The following SPEM2 variants were observed in gnomAD, a reference collection of about 807,000 sequenced individuals.
SPEM2 encodes the protein uncharacterized protein SPEM2.
A neutral mutation model predicts 9.3 loss-of-function variants in SPEM2; 15 were observed. That is an observed-to-expected ratio of 1.62 (90% CI 1.08 to 2.50). The LOEUF (loss-of-function observed/expected upper bound fraction) is 2.50, where lower values mean the gene tolerates loss of function less well. Ranked by LOEUF, SPEM2 falls within the 30% of genes most tolerant of loss-of-function variation. SPEM2 has a pLI of 0.00. For synonymous variants in SPEM2, 268 were observed against 272.4 expected, an observed-to-expected ratio of 0.98 and a Z score of 0.16; for missense variants, 678 against 690.0, an observed-to-expected ratio of 0.98 and a Z score of 0.19.
rs762720392 is a variant in SPEM2 at position 7,426,775 on chromosome 17, G to A, written c.784G>A (p.Gly262Ser). 4.2e-5 allele frequency: 67 copies of A among 1,602,832 alleles called. No homozygotes were observed. The highest frequency in any genetic ancestry group is 5.2e-5 in the Non-Finnish European group (61 of 1,173,588). The change falls in exon 3 of 3, where the codon GGT becomes AGT. Residue 262 changes from glycine to serine, a missense_variant. By Grantham distance (56) the Gly-to-Ser change is moderately conservative. Coordinates refer to ENST00000333870, the MANE Select transcript of SPEM2 (RefSeq NM_175734.5). This position sits in a 1 kb window ranked among gnomAD's most constrained non-coding sequence, Gnocchi z 5.3. ...GAGGCTGCAGTCCTATGGGCGCCAC[G>A]GTTCCCAATCCCGACTGTGGGGCAA... The part of the protein sequence containing the change: ...ELRLQSYGRH[G>S]SQSRLWGNVE...
chr17:7,426,239 A>G lies in SPEM2; in HGVS notation c.248A>G (p.Gln83Arg), dbSNP rs760388271. 1.1e-5 allele frequency: 17 copies of G among 1,614,012 alleles called. No homozygotes were observed. Among genetic ancestry groups the G allele is most frequent in the African/African-American group, 1.3e-5 (1 of 74,912 alleles). Residue 83 changes from glutamine to arginine, a missense_variant, in exon 3 of 3, where the codon CAG becomes CGG. Physicochemically the swap from Gln to Arg is conservative, Grantham distance 43. Transcript: ENST00000333870. The surrounding 1 kb of genome is among the most constrained non-coding windows in gnomAD (Gnocchi z 5.3). ...CCAAGTGGTCCCCCAGACAAGGCTCAGGATGTCCACATCCACTGCATCCTG... is the reference window on the plus strand; with the variant it reads ...CCAAGTGGTCCCCCAGACAAGGCTCGGGATGTCCACATCCACTGCATCCTG... ...SPPSGPPDKA[Q>R]DVHIHCILDP...
Position 7,427,506 on chromosome 17 carries a change from C to A in SPEM2, c.*9C>A, listed in dbSNP as rs768046304. 1 of 1,558,214 alleles carries A rather than the reference C, an allele frequency of 6.4e-7. No homozygotes were observed. The highest frequency in any genetic ancestry group is 8.7e-7 in the Non-Finnish European group (1 of 1,150,772). On this transcript the variant is annotated 3_prime_UTR_variant, in exon 3 of 3. Coordinates refer to ENST00000333870, the MANE Select transcript of SPEM2 (RefSeq NM_175734.5). The surrounding 1 kb of genome is among the most constrained non-coding windows in gnomAD (Gnocchi z 5.4). ...CCGAGAAACTCAACTGACCAGCAGGCGGATGTGGGGTGTGGGGCAGGGCAT... is the reference window on the plus strand; with the variant it reads ...CCGAGAAACTCAACTGACCAGCAGGAGGATGTGGGGTGTGGGGCAGGGCAT...
intron 1 of SPEM2, 63 bp from the exon 2 acceptor site, chr17:7,425,930 G>A: frequency 1.2e-6 from 2 of 1,612,490 alleles, no homozygotes; most frequent in African/African-American, 1.3e-5. Flanking sequence ...ATTGGGGCGG[G>A]GGCAGGGGTG....
chr17:7,426,177 G>T lies in SPEM2; in HGVS notation c.197-11G>T. 6.2e-7 allele frequency: 1 copy of T among 1,612,856 alleles called. No homozygotes were observed. The highest frequency in any genetic ancestry group is 8.5e-7 in the Non-Finnish European group (1 of 1,179,178). On this transcript the variant is annotated splice_polypyrimidine_tract_variant and intron_variant, in intron 2 of 2. Coordinates refer to ENST00000333870, the MANE Select transcript of SPEM2 (RefSeq NM_175734.5). This position sits in a 1 kb window ranked among gnomAD's most constrained non-coding sequence, Gnocchi z 5.3. ...AATTGCCCTGACTTCATGGACTCTT[G>T]CCTTCCCCAGATGAAATTCAGGCCA...
chr17:7,426,846 G>A lies in SPEM2; in HGVS notation c.855G>A (p.Arg285=). 1 of 1,610,602 alleles carries A rather than the reference G, an allele frequency of 6.2e-7. No homozygotes were observed. The highest frequency in any genetic ancestry group is 8.5e-7 in the Non-Finnish European group (1 of 1,178,406). The change falls in exon 3 of 3, where the codon CGG becomes CGA. Residue 285 remains arginine (R), a synonymous_variant. Transcript: ENST00000333870. This position sits in a 1 kb window ranked among gnomAD's most constrained non-coding sequence, Gnocchi z 5.3. ...CCTCGTCTCCACCACCTCCCCACCG[G>A]CTGCCCCCTAACCCCTCTTGGGTCC... The part of the protein sequence containing the change: ...QWASSPPPPH[R]LPPNPSWVPV...
rs1326975655 is a variant in SPEM2, at chr17:7,425,655, G to T, written c.-34G>T. ...TGGGGCCGGGGGTGGGGGGCAGAGG[G>T]GGGTGGCCCAGGTGGCCCTAGGACC... On this transcript the variant is annotated 5_prime_UTR_variant, in exon 1 of 3. Transcript: ENST00000333870. 2.5e-6 allele frequency: 4 copies of T among 1,605,726 alleles called. No individual in the cohort carries two copies. The African/African-American group carries it at 4.0e-5, about 16-fold the overall frequency.
At position 7,426,618 on chromosome 17, in the gene SPEM2, A is replaced by G; in HGVS notation, c.627A>G (p.Arg209=). Reference sequence around the variant, plus strand: ...GCGGCTGGGGCGGGTTTTATCAGAGAGCGGGCCTGCCCTCCAATGTGGGGC... The same window carrying G: ...GCGGCTGGGGCGGGTTTTATCAGAGGGCGGGCCTGCCCTCCAATGTGGGGC... The part of the protein sequence containing the change: ...PRRGWGGFYQ[R]AGLPSNVGLW... The change falls in exon 3 of 3, where the codon AGA becomes AGG. Residue 209 remains arginine, a synonymous_variant. Coordinates refer to ENST00000333870, the MANE Select transcript of SPEM2 (RefSeq NM_175734.5). The surrounding 1 kb of genome is among the most constrained non-coding windows in gnomAD (Gnocchi z 5.3). 1 of 1,614,030 alleles carries G rather than the reference A, an allele frequency of 6.2e-7. No individual in the cohort carries two copies.
Position 7,427,002 on chromosome 17 carries a change from G to A in SPEM2, c.1011G>A (p.Gln337=), listed in dbSNP as rs1907647941. The part of the protein sequence containing the change: ...SVSRNARPEA[Q]GCREHHSPQS... ...CCCGGAACGCCCGGCCTGAGGCCCA[G>A]GGCTGCCGGGAGCACCACTCCCCAC... The change falls in exon 3 of 3, where the codon CAG becomes CAA. Residue 337 remains glutamine (Q), a synonymous_variant. Coordinates refer to ENST00000333870, the MANE Select transcript of SPEM2 (RefSeq NM_175734.5). This position sits in a 1 kb window ranked among gnomAD's most constrained non-coding sequence, Gnocchi z 5.4. The A allele has an allele frequency of 3.7e-6, 6 of 1,611,400 alleles. No homozygotes were observed. The highest frequency in any genetic ancestry group is 1.7e-5 in the Admixed American group (1 of 59,964).
chr17:7,425,830 A>G lies in SPEM2; in HGVS notation c.138+4A>G. ...TGGCATCAACGTGGCAACTATGGTCAGTGATGATTGTGGACTACCTCTGGG... is the reference window on the plus strand; with the variant it reads ...TGGCATCAACGTGGCAACTATGGTCGGTGATGATTGTGGACTACCTCTGGG... On this transcript the variant is annotated splice_donor_region_variant and intron_variant, in intron 1 of 2. Transcript: ENST00000333870. 1.2e-6 allele frequency: 2 copies of G among 1,614,038 alleles called. No homozygotes were observed. The highest frequency in any genetic ancestry group is 1.7e-6 in the Non-Finnish European group (2 of 1,179,956).
At position 7,426,079 on chromosome 17, in the gene SPEM2, AC is replaced by A. The variant is rs1246793160; in HGVS notation, c.196+34del. On this transcript the variant is annotated intron_variant, in intron 2 of 2. Coordinates refer to ENST00000333870, the MANE Select transcript of SPEM2 (RefSeq NM_175734.5). The surrounding 1 kb of genome is among the most constrained non-coding windows in gnomAD (Gnocchi z 5.3). ...AGTGTGGCTGCTGGAGAGGTAGGGG[AC>A]CCCCATCCCCACCCCTGACAATGGC... The A allele has an allele frequency of 3.1e-6, 5 of 1,613,314 alleles. No homozygotes were observed. The South Asian group carries it at 5.5e-5, about 18-fold the overall frequency.
chr17:7,426,804 G>C lies in SPEM2; in HGVS notation c.813G>C (p.Val271=). The change falls in exon 3 of 3, where the codon GTG becomes GTC. Residue 271 remains valine (V), a synonymous_variant. Transcript: ENST00000333870. The surrounding 1 kb of genome is among the most constrained non-coding windows in gnomAD (Gnocchi z 5.3). ...HGSQSRLWGN[V]EAEQWASSPP... is the part of the protein sequence containing the mutation. ...CCCAATCCCGACTGTGGGGCAATGTGGAGGCTGAGCAGTGGGCCTCGTCTC... is the reference window on the plus strand; with the variant it reads ...CCCAATCCCGACTGTGGGGCAATGTCGAGGCTGAGCAGTGGGCCTCGTCTC... 1 of 1,605,430 alleles carries C rather than the reference G, an allele frequency of 6.2e-7. No homozygotes were observed. The highest frequency in any genetic ancestry group is 2.2e-5 in the East Asian group (1 of 44,786).
At position 7,426,004 on chromosome 17, in the gene SPEM2, AC is replaced by A; in HGVS notation, c.151del (p.Leu51SerfsTer5). 6.2e-7 allele frequency: 1 copy of A among 1,614,048 alleles called. No homozygotes were observed. The highest frequency in any genetic ancestry group is 8.5e-7 in the Non-Finnish European group (1 of 1,180,002). ...CCACCCTGCCCCAGATGTGGCATGG[AC>A]TCCAGAACGCCTTAGACAAGATGAT... ...INVATMMWHG[L>X]QNALDKMIDW... On this transcript the variant is annotated frameshift_variant, in exon 2 of 3. Transcript: ENST00000333870. LOFTEE classifies it low-confidence loss of function (END_TRUNC). This position sits in a 1 kb window ranked among gnomAD's most constrained non-coding sequence, Gnocchi z 5.3.
In SPEM2 at chr17:7,427,296, T is replaced by C. The variant is rs768707771; in HGVS notation, c.1305T>C (p.Ala435=). 1.2e-6 allele frequency: 2 copies of C among 1,613,918 alleles called. No homozygotes were observed. The highest frequency in any genetic ancestry group is 8.5e-7 in the Non-Finnish European group (1 of 1,179,990). The change falls in exon 3 of 3, where the codon GCT becomes GCC. Residue 435 remains alanine, a synonymous_variant. Transcript: ENST00000333870. The surrounding 1 kb of genome is among the most constrained non-coding windows in gnomAD (Gnocchi z 5.4). The part of the protein sequence containing the change: ...HSSQPWPKVQ[A]ADPAPPPTMF... ...CCCAGCCCTGGCCCAAAGTCCAGGC[T>C]GCGGACCCTGCCCCTCCCCCGACCA...
At position 7,426,988 on chromosome 17, in the gene SPEM2, C is replaced by G. The variant is rs146528431; in HGVS notation, c.997C>G (p.Arg333Gly). The change falls in exon 3 of 3, where the codon CGG becomes GGG. Residue 333 changes from arginine (R) to glycine (G), a missense_variant. Physicochemically the swap from Arg to Gly is moderately radical, Grantham distance 125. Transcript: ENST00000333870. The surrounding 1 kb of genome is among the most constrained non-coding windows in gnomAD (Gnocchi z 5.3). ...RPPASVSRNARPEAQGCREHH... is the reference protein window; with the variant it reads ...RPPASVSRNAGPEAQGCREHH... Reference sequence around the variant, plus strand: ...CCCTGCCTCGGTGTCCCGGAACGCCCGGCCTGAGGCCCAGGGCTGCCGGGA... The same window carrying G: ...CCCTGCCTCGGTGTCCCGGAACGCCGGGCCTGAGGCCCAGGGCTGCCGGGA... The G allele has an allele frequency of 1.2e-6, 2 of 1,611,374 alleles. No homozygotes were observed. Among genetic ancestry groups the G allele is most frequent in the Non-Finnish European group, 1.7e-6 (2 of 1,179,778 alleles).
chr17:7,426,935 G>A lies in SPEM2; in HGVS notation c.944G>A (p.Arg315His), dbSNP rs371346612. 6.4e-5 allele frequency: 103 copies of A among 1,613,026 alleles called. No individual in the cohort carries two copies. Among genetic ancestry groups the A allele is most frequent in the Middle Eastern group, 1.6e-4 (1 of 6,062 alleles). Residue 315 changes from arginine to histidine, a missense_variant, in exon 3 of 3, where the codon CGT becomes CAT. Arg to His is a conservative substitution (Grantham distance 29). Coordinates refer to ENST00000333870, the MANE Select transcript of SPEM2 (RefSeq NM_175734.5). The surrounding 1 kb of genome is among the most constrained non-coding windows in gnomAD (Gnocchi z 5.3). ...WMLYDSWDQR[R>H]RGTEGFERPP... ...CTGTATGACTCCTGGGATCAGCGGCGTCGTGGCACGGAGGGCTTTGAGCGC... is the reference window on the plus strand; with the variant it reads ...CTGTATGACTCCTGGGATCAGCGGCATCGTGGCACGGAGGGCTTTGAGCGC...
At position 7,426,598 on chromosome 17, in the gene SPEM2, T is replaced by C. The variant is rs745698196; in HGVS notation, c.607T>C (p.Trp203Arg). ...GTATCCCAAGTACCCACGTCGCGGC[T>C]GGGGCGGGTTTTATCAGAGAGCGGG... ...FPYPKYPRRGWGGFYQRAGLP... is the reference protein window; with the variant it reads ...FPYPKYPRRGRGGFYQRAGLP... Residue 203 changes from tryptophan to arginine, a missense_variant, in exon 3 of 3, where the codon TGG becomes CGG. Transcript: ENST00000333870. The surrounding 1 kb of genome is among the most constrained non-coding windows in gnomAD (Gnocchi z 5.3). The C allele has an allele frequency of 6.2e-7, 1 of 1,614,104 alleles. No individual in the cohort carries two copies. Among genetic ancestry groups the C allele is most frequent in the South Asian group, 1.1e-5 (1 of 91,090 alleles).
At position 7,427,417 on chromosome 17, in the gene SPEM2, A is replaced by T. The variant is rs1202011755; in HGVS notation, c.1426A>T (p.Arg476Trp). The T allele has an allele frequency of 6.2e-7, 1 of 1,612,640 alleles. No individual in the cohort carries two copies. Among genetic ancestry groups the T allele is most frequent in the African/African-American group, 1.3e-5 (1 of 75,030 alleles). Residue 476 changes from arginine to tryptophan, a missense_variant, in exon 3 of 3, where the codon AGG becomes TGG. Coordinates refer to ENST00000333870, the MANE Select transcript of SPEM2 (RefSeq NM_175734.5). The surrounding 1 kb of genome is among the most constrained non-coding windows in gnomAD (Gnocchi z 5.4). ...LKRQVQKSRA[R>W]SSSLPPASTS... The stretch of plus-strand genomic sequence containing the variant: ...GCGGCAGGTGCAGAAGAGCAGAGCC[A>T]GGTCCAGCTCACTGCCACCGGCTTC...
chr17:7,426,603 C>A lies in SPEM2; in HGVS notation c.612C>A (p.Gly204=). ...PYPKYPRRGW[G]GFYQRAGLPS... ...CCAAGTACCCACGTCGCGGCTGGGG[C>A]GGGTTTTATCAGAGAGCGGGCCTGC... is the stretch of plus-strand genomic sequence containing the variant. The change falls in exon 3 of 3, where the codon GGC becomes GGA. Residue 204 remains glycine, a synonymous_variant. Coordinates refer to ENST00000333870, the MANE Select transcript of SPEM2 (RefSeq NM_175734.5). The surrounding 1 kb of genome is among the most constrained non-coding windows in gnomAD (Gnocchi z 5.3). 4.3e-6 allele frequency: 7 copies of A among 1,614,096 alleles called. No individual in the cohort carries two copies. Among genetic ancestry groups the A allele is most frequent in the South Asian group, 1.1e-5 (1 of 91,082 alleles).
chr17:7,425,838 T>C lies in SPEM2; in HGVS notation c.138+12T>C, dbSNP rs745983926. On this transcript the variant is annotated intron_variant, in intron 1 of 2. Transcript: ENST00000333870. ...ACGTGGCAACTATGGTCAGTGATGA[T>C]TGTGGACTACCTCTGGGGGTGAACA... 5.6e-6 allele frequency: 9 copies of C among 1,614,116 alleles called. No individual in the cohort carries two copies. The South Asian group carries it at 9.9e-5, about 18-fold the overall frequency.
Sources: gnomAD v4.1 joint callset for allele counts on GRCh38, gnomAD v4.1.1 for gene constraint, Gnocchi (gnomAD v3.1) non-coding constraint, MANE v1.5 for transcripts, NCBI Gene and HGNC (gene_info 2026-07-23, HGNC 2026-07-21) for gene names.